The following VPS13B variants were observed in gnomAD, a reference collection of about 807,000 sequenced individuals.
The protein encoded by VPS13B is intermembrane lipid transfer protein VPS13B.
Under a neutral mutation model 426.4 loss-of-function variants are expected in VPS13B, and 285 were observed. The observed-to-expected ratio is 0.67, with a 90% CI of 0.61 to 0.74. VPS13B has a LOEUF of 0.74. Among genes scored for constraint, VPS13B ranks in the 30% least tolerant of loss-of-function variants. The pLI, the probability that VPS13B is intolerant of heterozygous loss-of-function variation, is 0.00. For missense variants in VPS13B, 4,537 were observed against 4,782.6 expected (o/e 0.95, Z 1.51); for synonymous variants, 1,676 against 1,676.4 (o/e 1.00, Z 0.01).
intron 30 of VPS13B, among the ~76,000 whole-genome samples, chr8:99,533,794 T>C (rs551549012): frequency 2.6e-5 from 4 of 152,194 alleles, no homozygotes; most frequent in Non-Finnish European, 5.9e-5. Flanking sequence ...ATCTCTCCTT[T>C]ATGTATCTTT....
intron 31 of VPS13B, among the ~76,000 whole-genome samples, chr8:99,572,216 C>T (rs572842511): frequency 5.3e-5 from 8 of 152,226 alleles, no homozygotes; most frequent in African/African-American, 1.2e-4. Context: ...TAAGAATATA[C>T]GCAGTGGACT....
At position 99,775,425 on chromosome 8, in the gene VPS13B, G is replaced by A. The variant is rs953631002; in HGVS notation, c.7248-1350G>A. Among the ~76,000 whole-genome samples the A allele has an allele frequency of 6.6e-5, 10 of 152,040 alleles. No individual in the cohort carries two copies. In the East Asian group the frequency reaches 1.7e-3, roughly 26 times the overall value. On this transcript the variant is annotated intron_variant, in intron 40 of 61. Transcript: ENST00000357162. Reference sequence around the variant, plus strand: ...TGTGGGGAAAGGGCAACATTGATTCGGTGATCCACAATTAACAGGACACAC... The same window carrying A: ...TGTGGGGAAAGGGCAACATTGATTCAGTGATCCACAATTAACAGGACACAC...
At chr8:99,722,421 A>G (rs1334079450) in intron 39 of VPS13B, among the ~76,000 whole-genome samples, 1 of 152,152 alleles carries the variant, frequency 6.6e-6, no homozygotes, top group African/African-American at 2.4e-5. Flanking sequence ...AAATGTTTGA[A>G]GTGACTGCTC....
At chr8:99,199,428 C>T (rs949632004) in intron 17 of VPS13B, among the ~76,000 whole-genome samples, 1 of 152,150 alleles carries the variant, frequency 6.6e-6, no homozygotes, top group Non-Finnish European at 1.5e-5. Context: ...GCCTCGGCCT[C>T]CCAAAGTGCT....
chr8:99,456,327 C>T (rs924825644), intron 23 of VPS13B, among the ~76,000 whole-genome samples: 2 of 152,036 alleles, frequency 1.3e-5, no homozygotes, highest in African/African-American at 4.8e-5. Context: ...CACCACTATG[C>T]CCAGCTAATT....
intron 58 of VPS13B, among the ~76,000 whole-genome samples, chr8:99,866,005 G>A (rs1817079185): frequency 1.3e-5 from 2 of 152,194 alleles, no homozygotes; most frequent in East Asian, 3.9e-4. Context: ...GGCACAACAG[G>A]CAATAGCTCC....
chr8:99,487,047 C>T (rs1820345308), intron 25 of VPS13B, among the ~76,000 whole-genome samples: 1 of 151,444 alleles, frequency 6.6e-6, no homozygotes, highest in South Asian at 2.1e-4. Context: ...GGAATAAATA[C>T]CCAGACTTCA....
At chr8:99,579,863 A>T (rs752872093) in intron 33 of VPS13B, among the ~76,000 whole-genome samples, 17 of 151,454 alleles carry the variant, frequency 1.1e-4, no homozygotes, top group Non-Finnish European at 1.8e-4. Context: ...ATACCCAGCT[A>T]ATTTTTGTAT....
At chr8:99,729,977 A>G (rs1833524515) in intron 39 of VPS13B, among the ~76,000 whole-genome samples, 1 of 152,222 alleles carries the variant, frequency 6.6e-6, no homozygotes. Flanking sequence ...GGCACTACAA[A>G]AAGAGAATCC....
chr8:99,031,605 G>T (rs1433068939), intron 2 of VPS13B, among the ~76,000 whole-genome samples: 1 of 152,094 alleles, frequency 6.6e-6, no homozygotes, highest in Non-Finnish European at 1.5e-5. Context: ...GGGTGTTTAG[G>T]CTTTTTTCCT....
intron 21 of VPS13B, among the ~76,000 whole-genome samples, chr8:99,409,853 T>C (rs1198490728): frequency 1.3e-5 from 2 of 152,212 alleles, no homozygotes; most frequent in African/African-American, 4.8e-5. Flanking sequence ...TGGTCTCTAT[T>C]TTCACTCTCT....
intron 25 of VPS13B, among the ~76,000 whole-genome samples, chr8:99,490,483 G>T (rs1408839022): frequency 6.6e-6 from 1 of 152,014 alleles, no homozygotes; most frequent in Admixed American, 6.6e-5. Context: ...ATGGAACCAG[G>T]TCCTCTTTGT....
chr8:99,087,584 C>T (rs2132400067), intron 3 of VPS13B, among the ~76,000 whole-genome samples: 1 of 150,594 alleles, frequency 6.6e-6, no homozygotes, highest in South Asian at 2.1e-4. Flanking sequence ...TGTTCCTATT[C>T]AGCCATCTTG....
intron 3 of VPS13B, among the ~76,000 whole-genome samples, chr8:99,088,460 G>T (rs1845965464): frequency 6.6e-6 from 1 of 152,120 alleles, no homozygotes; most frequent in African/African-American, 2.4e-5. Flanking sequence ...GGGAATAAAG[G>T]ACAGAGGATT....
chr8:99,719,343 TC>T (rs1175769994), intron 37 of VPS13B, among the ~76,000 whole-genome samples: 1 of 152,168 alleles, frequency 6.6e-6, no homozygotes, highest in Non-Finnish European at 1.5e-5. Context: ...AACATTCTAC[TC>T]CCCGTTTGAC....
chr8:99,797,946 T>C (rs1345824535), intron 43 of VPS13B, among the ~76,000 whole-genome samples: 2 of 152,176 alleles, frequency 1.3e-5, no homozygotes, highest in African/African-American at 4.8e-5. Flanking sequence ...ATCACCCTTA[T>C]TGTTGTGTAG....
chr8:99,138,007 T>G (rs1003368486), intron 12 of VPS13B, among the ~76,000 whole-genome samples: 2 of 152,162 alleles, frequency 1.3e-5, no homozygotes, highest in Non-Finnish European at 2.9e-5. Flanking sequence ...GCCAGAAGCC[T>G]GGGAGTCATC....
intron 43 of VPS13B, among the ~76,000 whole-genome samples, chr8:99,786,088 T>C (rs1032945566): frequency 4.6e-5 from 7 of 151,938 alleles, no homozygotes; most frequent in Non-Finnish European, 4.4e-5. Flanking sequence ...ATGGGAAGGG[T>C]GATCATAAGA....
At chr8:99,342,626 A>T (rs1811315217) in intron 19 of VPS13B, among the ~76,000 whole-genome samples, 1 of 152,098 alleles carries the variant, frequency 6.6e-6, no homozygotes, top group South Asian at 2.1e-4. Flanking sequence ...ATACTGCATT[A>T]AAAAAATCAG....
Sources: gnomAD v4.1 joint callset for allele counts (sites outside exome capture counted in the v4.1 genomes callset) on GRCh38, gnomAD v4.1.1 for gene constraint, MANE v1.5 for transcripts, NCBI Gene and HGNC (gene_info 2026-07-23, HGNC 2026-07-21) for gene names.